CCDC93: variants seen among roughly 807,000 people sequenced by gnomAD.
CCDC93 encodes coiled-coil domain-containing protein 93.
A neutral mutation model predicts 108.2 loss-of-function variants in CCDC93; 61 were observed. That is an observed-to-expected ratio of 0.56 (90% CI 0.46 to 0.70). The LOEUF (loss-of-function observed/expected upper bound fraction) is 0.70, where lower values mean the gene tolerates loss of function less well. Ranked by LOEUF, CCDC93 falls within the 30% of genes least tolerant of loss-of-function variation. The pLI, the probability that CCDC93 is intolerant of heterozygous loss-of-function variation, is 0.00. For missense variants in CCDC93, 685 were observed against 764.2 expected (o/e 0.90, Z 1.22); for synonymous variants, 276 against 260.4 (o/e 1.06, Z -0.58).
intron 12 of CCDC93, among the ~76,000 whole-genome samples, chr2:117,955,692 G>A (rs958073293): frequency 6.6e-6 from 1 of 152,150 alleles, no homozygotes; most frequent in Non-Finnish European, 1.5e-5. Flanking sequence ...TAAGGATGCT[G>A]TGTGAACTGA....
chr2:117,997,813 G>A (rs1443913147), intron 4 of CCDC93: 2 of 152,220 alleles, frequency 1.3e-5, no homozygotes, highest in African/African-American at 4.8e-5. Flanking sequence ...AACTAAGGCA[G>A]TTGGCTCATT....
At chr2:117,920,811 C>G (rs1677835185) in intron 23 of CCDC93, among the ~76,000 whole-genome samples, 1 of 152,158 alleles carries the variant, frequency 6.6e-6, no homozygotes, top group East Asian at 1.9e-4. Flanking sequence ...GCAGGCAAAA[C>G]ACATAGAGTT....
At chr2:117,948,043 G>A in intron 15 of CCDC93, 62 bp downstream of exon 15, 1 of 1,325,532 alleles carries the variant, frequency 7.5e-7, no homozygotes, top group Non-Finnish European at 1.1e-6. Flanking sequence ...CAGGACAACG[G>A]AGGTAAACCA....
rs375214898 is a variant in CCDC93 at position 117,986,009 on chromosome 2, C to T, written c.580G>A (p.Glu194Lys). The T allele has an allele frequency of 1.2e-5, 20 of 1,613,668 alleles. No individual in the cohort carries two copies. The highest frequency in any genetic ancestry group is 1.6e-5 in the Non-Finnish European group (19 of 1,179,734). Residue 194 changes from glutamate (E) to lysine (K), a missense_variant, in exon 7 of 24, where the codon GAA becomes AAA. Physicochemically the swap from Glu to Lys is moderately conservative, Grantham distance 56 (BLOSUM62 1). Transcript: ENST00000376300. ...RHQGAEELLD[E>K]ESRIHATLLE... ...AGTGTAGCATGGATTCGAGATTCTT[C>T]ATCAAGTAGCTCCTCTGCTCCCTGG... is the stretch of plus-strand genomic sequence containing the variant.
Position 117,945,624 on chromosome 2 carries a change from C to T in CCDC93, c.1297-42G>A, listed in dbSNP as rs201162597. 27 of 1,565,130 alleles carry T rather than the reference C, an allele frequency of 1.7e-5. No individual in the cohort carries two copies. In the East Asian group the frequency reaches 2.7e-4, roughly 16 times the overall value. On this transcript the variant is annotated intron_variant, in intron 16 of 23. Coordinates refer to ENST00000376300, the MANE Select transcript of CCDC93 (RefSeq NM_019044.5). ...ATAATAAACACCTCTCCTGAGCATT[C>T]GGGAATAAGACAGAAGCCAAGGATC...
At chr2:117,920,450 T>A (rs1242952224) in intron 23 of CCDC93, 54 bp from the exon 24 acceptor site, 1 of 1,305,544 alleles carries the variant, frequency 7.7e-7, no homozygotes, top group Non-Finnish European at 1.1e-6. Context: ...AGCACCCATG[T>A]GAGGCCAAGA....
chr2:117,969,770 A>G lies in CCDC93; in HGVS notation c.888+4138T>C, dbSNP rs574330913. 2.0e-5 allele frequency among the ~76,000 whole-genome samples: 3 copies of G among 152,328 alleles called. No individual in the cohort carries two copies. In the East Asian group the frequency reaches 5.8e-4, roughly 29 times the overall value. On this transcript the variant is annotated intron_variant, in intron 11 of 23. Coordinates refer to ENST00000376300, the MANE Select transcript of CCDC93 (RefSeq NM_019044.5). ...ACAAAAATGACCAAATATCCCCTAT[A>G]CTAGCTATTACGCATACATAGCTTT...
intron 8 of CCDC93, among the ~76,000 whole-genome samples, 175 bp downstream of exon 8, chr2:117,977,819 G>A (rs889899): frequency 0.97 from 148,054 of 152,252 alleles, 72,125 homozygotes; most frequent in Middle Eastern, 1. Flanking sequence ...TTGCTCCCCA[G>A]TCTGTAGAGG....
chr2:117,983,657 TATATATATATATATATATATA>T (rs1680225492), intron 7 of CCDC93, among the ~76,000 whole-genome samples: 1 of 16,400 alleles, frequency 6.1e-5, no homozygotes. Context: ...TATATATATA[TATATATATATATATATATATA>T]GTCATATAAT....
At chr2:117,974,638 C>T (rs1211632702) in intron 10 of CCDC93, among the ~76,000 whole-genome samples, 1 of 152,158 alleles carries the variant, frequency 6.6e-6, no homozygotes. Context: ...TCTGCTTTCA[C>T]AAGGGTCCTT....
At chr2:117,969,141 C>T (rs1452735777) in intron 11 of CCDC93, among the ~76,000 whole-genome samples, 1 of 152,146 alleles carries the variant, frequency 6.6e-6, no homozygotes, top group East Asian at 1.9e-4. Flanking sequence ...CTTTTGATTA[C>T]ATATATGTAA....
At position 117,979,885 on chromosome 2, in the gene CCDC93, C is replaced by T. The variant is rs78120310; in HGVS notation, c.621-1855G>A. 2.3e-4 allele frequency among the ~76,000 whole-genome samples: 35 copies of T among 152,266 alleles called. No individual in the cohort carries two copies. The East Asian group carries it at 5.6e-3, about 24-fold the overall frequency. ...CACCTAGGGTTCTGAATACTGTTAA[C>T]GTTCCACCAATCAGATGCATTTGCT... On this transcript the variant is annotated intron_variant, in intron 7 of 23. Coordinates refer to ENST00000376300, the MANE Select transcript of CCDC93 (RefSeq NM_019044.5).
At position 117,941,257 on chromosome 2, in the gene CCDC93, A is replaced by G. The variant is rs745926874; in HGVS notation, c.1454T>C (p.Ile485Thr). ...NREIAILHRK[I>T]DEVPSRAELI... ...CTCGGCACGGCTAGGGACTTCATCA[A>G]TCTTGCGGTGCAAAATTGCTATTTC... Residue 485 changes from isoleucine (I) to threonine (T), a missense_variant, in exon 19 of 24, where the codon ATT (isoleucine) becomes ACT (threonine). Transcript: ENST00000376300. 5.0e-6 allele frequency: 8 copies of G among 1,613,942 alleles called. No homozygotes were observed. The highest frequency in any genetic ancestry group is 2.7e-5 in the African/African-American group (2 of 74,916).
intron 11 of CCDC93, among the ~76,000 whole-genome samples, chr2:117,964,939 CAA>C (rs1273125609): frequency 1.3e-5 from 2 of 152,182 alleles, no homozygotes; most frequent in Admixed American, 6.5e-5. Context: ...TGAGTCTCCA[CAA>C]AGTCTTCAAG....
chr2:117,964,058 G>T (rs6730470), intron 11 of CCDC93, among the ~76,000 whole-genome samples: 43,407 of 152,062 alleles, frequency 0.29, 6,667 homozygotes, highest in African/African-American at 0.38. Context: ...AGAGCCGTTT[G>T]TAAACAGAAA....
At chr2:117,932,444 T>C (rs1356484919) in intron 22 of CCDC93, among the ~76,000 whole-genome samples, 3 of 152,226 alleles carry the variant, frequency 2.0e-5, no homozygotes, top group East Asian at 1.9e-4. Context: ...CCCCAAGGCC[T>C]ATCCCAATGC....
At chr2:117,951,546 T>G (rs3771943) in intron 13 of CCDC93, 437,137 of 997,998 alleles carry the variant, frequency 0.44, 97,140 homozygotes, top group African/African-American at 0.52. Flanking sequence ...GGATACTGGG[T>G]TGGTTTCGGA....
chr2:117,938,655 A>T (rs1020082188), intron 20 of CCDC93, among the ~76,000 whole-genome samples: 2 of 151,986 alleles, frequency 1.3e-5, no homozygotes, highest in African/African-American at 4.8e-5. Context: ...GCCACTGATG[A>T]TTAAACAGGT....
chr2:117,965,398 C>T (rs112495511), intron 11 of CCDC93, among the ~76,000 whole-genome samples: 1 of 152,240 alleles, frequency 6.6e-6, no homozygotes, highest in African/African-American at 2.4e-5. Context: ...GTCGGGGTCC[C>T]CGGGCTGCTA....
Sources: allele counts gnomAD v4.1 joint callset (sites outside exome capture counted in the v4.1 genomes callset), GRCh38; gene constraint gnomAD v4.1.1; transcripts MANE v1.5; gene names NCBI Gene and HGNC (gene_info 2026-07-23, HGNC 2026-07-21).